DGKI: variants seen among roughly 807,000 people sequenced by gnomAD.
DGKI encodes DAG kinase iota.
In DGKI, 55 loss-of-function variants were observed where a neutral mutation model predicts 147.5. The observed-to-expected ratio is 0.37, with a 90% CI of 0.30 to 0.47. The LOEUF is 0.47. Ranked by LOEUF, DGKI falls within the 20% of genes least tolerant of loss-of-function variation. DGKI has a pLI of 1.00. For synonymous variants in DGKI, 469 were observed against 477.1 expected (o/e 0.98, Z 0.22); for missense variants, 1,007 against 1,323.8 (o/e 0.76, Z 3.71).
chr7:137,763,423 G>C (rs1334205268), intron 1 of DGKI, among the ~76,000 whole-genome samples: 1 of 152,170 alleles, frequency 6.6e-6, no homozygotes, highest in African/African-American at 2.4e-5. Flanking sequence ...TTCCTAAAAA[G>C]AAATCATGCT....
At chr7:137,493,059 T>C (rs1815827982) in intron 21 of DGKI, among the ~76,000 whole-genome samples, 1 of 152,074 alleles carries the variant, frequency 6.6e-6, no homozygotes, top group Non-Finnish European at 1.5e-5. Flanking sequence ...CCAGCAGACC[T>C]TGCCTACCCT....
At chr7:137,689,242 C>A (rs932616833) in intron 2 of DGKI, among the ~76,000 whole-genome samples, 13 of 152,198 alleles carry the variant, frequency 8.5e-5, no homozygotes, top group African/African-American at 2.9e-4. Context: ...CAGGAAGGGA[C>A]AAAGCCTTTG....
intron 20 of DGKI, among the ~76,000 whole-genome samples, chr7:137,526,563 T>C (rs994637366): frequency 4.6e-5 from 7 of 152,066 alleles, no homozygotes; most frequent in Admixed American, 3.3e-4. Flanking sequence ...ATCACTCAGA[T>C]GGGTTTCCAG....
At chr7:137,831,945 T>C (rs1031239495) in intron 1 of DGKI, among the ~76,000 whole-genome samples, 2 of 152,238 alleles carry the variant, frequency 1.3e-5, no homozygotes, top group Admixed American at 6.5e-5. Context: ...ACAGGCCCCA[T>C]GCAAGTCTGA....
intron 3 of DGKI, among the ~76,000 whole-genome samples, chr7:137,661,777 G>A (rs945443384): frequency 2.0e-5 from 3 of 152,122 alleles, no homozygotes; most frequent in South Asian, 2.1e-4. Flanking sequence ...GGAAGGAGGC[G>A]CCATGCAGCC....
intron 1 of DGKI, among the ~76,000 whole-genome samples, chr7:137,750,242 T>A (rs1795456199): frequency 6.6e-6 from 1 of 152,166 alleles, no homozygotes; most frequent in South Asian, 2.1e-4. Flanking sequence ...TGCACAGGGC[T>A]ATAGAGCTGG....
intron 28 of DGKI, among the ~76,000 whole-genome samples, chr7:137,412,792 A>G (rs2128901604): frequency 6.6e-6 from 1 of 152,362 alleles, no homozygotes; most frequent in East Asian, 1.9e-4. Flanking sequence ...AAGAGGAATC[A>G]AGTCTATTTT....
At chr7:137,608,222 T>C (rs1428720755) in intron 10 of DGKI, among the ~76,000 whole-genome samples, 1 of 152,100 alleles carries the variant, frequency 6.6e-6, no homozygotes. Flanking sequence ...AAAGAAAATA[T>C]TTTCTCATCC....
intron 30 of DGKI, among the ~76,000 whole-genome samples, chr7:137,399,583 T>C (rs1811674715): frequency 6.6e-6 from 1 of 152,158 alleles, no homozygotes; most frequent in Non-Finnish European, 1.5e-5. Flanking sequence ...AAAGTCAAAT[T>C]AATAATAATA....
At chr7:137,391,754 T>C (rs1321154862) in intron 32 of DGKI, among the ~76,000 whole-genome samples, 4 of 152,184 alleles carry the variant, frequency 2.6e-5, no homozygotes, top group African/African-American at 9.7e-5. Flanking sequence ...TTTAGATTTC[T>C]AGTTTAGGAC....
At chr7:137,534,541 A>G (rs2077896114) in intron 20 of DGKI, among the ~76,000 whole-genome samples, 1 of 152,058 alleles carries the variant, frequency 6.6e-6, no homozygotes, top group Non-Finnish European at 1.5e-5. Context: ...ATTTTACAGA[A>G]AGTGAATTTG....
At chr7:137,663,762 CAG>C (rs1330920875) in intron 3 of DGKI, among the ~76,000 whole-genome samples, 5 of 152,122 alleles carry the variant, frequency 3.3e-5, no homozygotes, top group African/African-American at 1.2e-4. Flanking sequence ...TTCAAAATTA[CAG>C]AGTTACAGAG....
intron 30 of DGKI, among the ~76,000 whole-genome samples, chr7:137,401,368 CA>C (rs1160377714): frequency 1.3e-3 from 170 of 129,724 alleles, no homozygotes; most frequent in Middle Eastern, 0.011. Context: ...CCCAACTCTA[CA>C]AAAAAAAAAA....
intron 10 of DGKI, among the ~76,000 whole-genome samples, chr7:137,601,164 G>A (rs748823531): frequency 2.0e-5 from 3 of 151,956 alleles, no homozygotes; most frequent in African/African-American, 7.3e-5. Context: ...CCAGCTACTC[G>A]GGAGGCTGAG....
intron 1 of DGKI, among the ~76,000 whole-genome samples, chr7:137,696,813 G>A (rs58813961): frequency 0.038 from 5,751 of 152,150 alleles, 333 homozygotes; most frequent in African/African-American, 0.13. Flanking sequence ...GAAGGTAACC[G>A]TATTTTAAGA....
chr7:137,453,154 G>T (rs1814043851), intron 27 of DGKI: 1 of 152,204 alleles, frequency 6.6e-6, no homozygotes, highest in South Asian at 2.1e-4. Context: ...TGGTAGACAA[G>T]AATCTTCATT....
intron 19 of DGKI, among the ~76,000 whole-genome samples, chr7:137,566,072 C>T (rs1234685082): frequency 1.3e-5 from 2 of 151,972 alleles, no homozygotes; most frequent in Non-Finnish European, 2.9e-5. Context: ...TTAGTGTATT[C>T]CATGATTTTA....
chr7:137,761,035 C>T (rs1028415905), intron 1 of DGKI, among the ~76,000 whole-genome samples: 1 of 152,162 alleles, frequency 6.6e-6, no homozygotes, highest in Non-Finnish European at 1.5e-5. Context: ...AACACAATTT[C>T]CCATCTTAAA....
chr7:137,492,247 T>G (rs1815790970), intron 21 of DGKI, among the ~76,000 whole-genome samples: 1 of 152,202 alleles, frequency 6.6e-6, no homozygotes, highest in African/African-American at 2.4e-5. Flanking sequence ...GAAATTTTTC[T>G]AATGCAGAAG....
Sources: gnomAD v4.1 joint callset for allele counts (sites outside exome capture counted in the v4.1 genomes callset) on GRCh38, gnomAD v4.1.1 for gene constraint, MANE v1.5 for transcripts, NCBI Gene and HGNC (gene_info 2026-07-23, HGNC 2026-07-21) for gene names.